Variants in IGSF6 observed in about 807,000 individuals in gnomAD.
IGSF6 encodes down-regulated by activation (immunoglobulin superfamily).
IGSF6 carries 23 observed loss-of-function variants against 24.7 expected under a neutral mutation model. That is an observed-to-expected ratio of 0.93 (90% CI 0.67 to 1.32). IGSF6 has a LOEUF of 1.32. Ranked by LOEUF, IGSF6 falls within the 40% of genes most tolerant of loss-of-function variation. The probability of loss-of-function intolerance (pLI) is 0.00; values close to 1 mark genes in which losing one functional copy is unlikely to be tolerated. For synonymous variants in IGSF6, 110 were observed against 113.7 expected, an observed-to-expected ratio of 0.97 and a Z score of 0.21; for missense variants, 295 against 293.6, an observed-to-expected ratio of 1.00 and a Z score of -0.04.
chr16:21,640,738 C>T lies in IGSF6; in HGVS notation c.*796G>A, dbSNP rs1321950639. The T allele has an allele frequency of 6.7e-6, 1 of 149,104 alleles. No individual in the cohort carries two copies. Among genetic ancestry groups the T allele is most frequent in the Non-Finnish European group, 1.5e-5 (1 of 67,390 alleles). 9.2% of individuals were successfully genotyped at this position (149,104 alleles called of 1,614,324 possible). On this transcript the variant is annotated 3_prime_UTR_variant, in exon 6 of 6. Transcript: ENST00000268389. ...GCCGAGATTGCACCACTGCACTCCA[C>T]CCTGGGCAACAGAACGAGACTCTGT...
At chr16:21,646,712 T>C in intron 2 of IGSF6, 1 of 290,576 alleles carries the variant, frequency 3.4e-6, no homozygotes. Flanking sequence ...TGGAGTGCAG[T>C]AGTGCGATCT....
chr16:21,650,407 C>CTG (rs1966537682), intron 1 of IGSF6, among the ~76,000 whole-genome samples: 1 of 150,222 alleles, frequency 6.7e-6, no homozygotes, highest in African/African-American at 2.5e-5. Context: ...ACTTGGGAGG[C>CTG]TGAAGCAGGA....
At chr16:21,646,399 A>G (rs986560034) in intron 2 of IGSF6, 2 of 152,102 alleles carry the variant, frequency 1.3e-5, no homozygotes, top group Non-Finnish European at 2.9e-5. Context: ...CATGTTGCAT[A>G]GTTTCTGTGG....
chr16:21,652,474 G>A (rs3091402), intron 1 of IGSF6, 58 bp downstream of exon 1: 84,925 of 1,318,072 alleles, frequency 0.064, 5,669 homozygotes, highest in East Asian at 0.33. Flanking sequence ...AAATGCATTA[G>A]GTGAAAAATA....
At position 21,647,189 on chromosome 16, in the gene IGSF6, C is replaced by T; in HGVS notation, c.371G>A (p.Ser124Asn). ...CTGTTTAGCTCTCGCTTCCGGCACACTGGGGAATGCTATTCCACAGATGTA... is the reference window on the plus strand; with the variant it reads ...CTGTTTAGCTCTCGCTTCCGGCACATTGGGGAATGCTATTCCACAGATGTA... ...AIYICGIAFP[S>N]VPEARAKQTG... The change falls in exon 2 of 6, where the codon AGT becomes AAT. Residue 124 changes from serine to asparagine, a missense_variant. Transcript: ENST00000268389. The T allele has an allele frequency of 6.2e-7, 1 of 1,614,198 alleles. No homozygotes were observed. Among genetic ancestry groups the T allele is most frequent in the South Asian group, 1.1e-5 (1 of 91,088 alleles).
intron 2 of IGSF6, 45 bp downstream of exon 2, chr16:21,647,088 G>T: frequency 6.2e-7 from 1 of 1,613,256 alleles, no homozygotes; most frequent in South Asian, 1.1e-5. Flanking sequence ...TTACAGGCCT[G>T]AACAAGATGC....
At position 21,641,387 on chromosome 16, in the gene IGSF6, C is replaced by T. The variant is rs1250159962; in HGVS notation, c.*147G>A. On this transcript the variant is annotated 3_prime_UTR_variant, in exon 6 of 6. Coordinates refer to ENST00000268389, the MANE Select transcript of IGSF6 (RefSeq NM_005849.4). ...TGGTAATGACTATTAGTTATAGTTT[C>T]CTTACATTCTGACATCCTTCTTTGT... is the stretch of plus-strand genomic sequence containing the variant. The T allele has an allele frequency of 4.2e-6, 2 of 471,448 alleles. No homozygotes were observed. The highest frequency in any genetic ancestry group is 7.6e-6 in the Non-Finnish European group (2 of 262,232). The allele number at this position is 471,448 out of a possible 1,614,324, so 29.2% of individuals were successfully genotyped here. A position where few individuals can be genotyped will look rare whatever the true frequency, so the allele number is the denominator to read the frequency against.
Position 21,639,906 on chromosome 16 carries a change from G to C in IGSF6, c.*1628C>G, listed in dbSNP as rs1364996108. 6.6e-6 allele frequency: 1 copy of C among 151,182 alleles called. No homozygotes were observed. Among genetic ancestry groups the C allele is most frequent in the African/African-American group, 2.4e-5 (1 of 41,362 alleles). 9.4% of individuals were successfully genotyped at this position (151,182 alleles called of 1,614,324 possible). On this transcript the variant is annotated 3_prime_UTR_variant, in exon 6 of 6. Coordinates refer to ENST00000268389, the MANE Select transcript of IGSF6 (RefSeq NM_005849.4). ...AAAGAATACACCTTAGGCAATACCA[G>C]TTTAAAAGAAACACTTTATTTTATT...
rs981817515 is a variant in IGSF6, at chr16:21,640,105, A to T, written c.*1429T>A. 3.3e-5 allele frequency: 5 copies of T among 151,398 alleles called. No homozygotes were observed. Among genetic ancestry groups the T allele is most frequent in the African/African-American group, 4.9e-5 (2 of 41,214 alleles). 9.4% of individuals were successfully genotyped at this position (151,398 alleles called of 1,614,324 possible). On this transcript the variant is annotated 3_prime_UTR_variant, in exon 6 of 6. Coordinates refer to ENST00000268389, the MANE Select transcript of IGSF6 (RefSeq NM_005849.4). Reference sequence around the variant, plus strand: ...GGTGTGTGCCACCAAACCCCGCTAAATTTTTTTGTATTTTTAGTAGAGACG... The same window carrying T: ...GGTGTGTGCCACCAAACCCCGCTAATTTTTTTTGTATTTTTAGTAGAGACG...
In IGSF6 at chr16:21,641,283, A is replaced by G. The variant is rs984627909; in HGVS notation, c.*251T>C. The G allele has an allele frequency of 6.7e-6, 2 of 298,634 alleles. No homozygotes were observed. Among genetic ancestry groups the G allele is most frequent in the African/African-American group, 4.4e-5 (2 of 45,634 alleles). 18.5% of individuals were successfully genotyped at this position (298,634 alleles called of 1,614,324 possible). A position where few individuals can be genotyped will look rare whatever the true frequency, so the allele number is the denominator to read the frequency against. Reference sequence around the variant, plus strand: ...ATGTTGAATGAAACAGACTCAGGATACAAGTTTAAAATAGAATTTTTTTTC... The same window carrying G: ...ATGTTGAATGAAACAGACTCAGGATGCAAGTTTAAAATAGAATTTTTTTTC... On this transcript the variant is annotated 3_prime_UTR_variant, in exon 6 of 6. Transcript: ENST00000268389.
In IGSF6 at chr16:21,647,173, T is replaced by C; in HGVS notation, c.387A>G (p.Arg129=). 1 of 1,614,136 alleles carries C rather than the reference T, an allele frequency of 6.2e-7. No individual in the cohort carries two copies. The change falls in exon 2 of 6, where the codon AGA becomes AGG. Residue 129 remains arginine, a synonymous_variant. Coordinates refer to ENST00000268389, the MANE Select transcript of IGSF6 (RefSeq NM_005849.4). The part of the protein sequence containing the change: ...GIAFPSVPEA[R]AKQTGGGTTL... ...TGGTCCCTCCTCCTGTCTGTTTAGC[T>C]CTCGCTTCCGGCACACTGGGGAATG...
rs943644897 is a variant in IGSF6, at chr16:21,652,536, A to C, written c.63T>G (p.Cys21Trp). 1.9e-6 allele frequency: 3 copies of C among 1,610,532 alleles called. No homozygotes were observed. The African/African-American group carries it at 4.0e-5, about 22-fold the overall frequency. The change falls in exon 1 of 6, where the codon TGT becomes TGG. Residue 21 changes from cysteine (C) to tryptophan (W), a missense_variant. Transcript: ENST00000268389. Reference sequence around the variant, plus strand: ...GGAGAAGAAAAAGAACCTTACCGACACAAAATAGAATGAGATTGGTTTGCA... The same window carrying C: ...GGAGAAGAAAAAGAACCTTACCGACCCAAAATAGAATGAGATTGGTTTGCA... ...RHLQTNLILFCVGAVGACTLS... is the reference protein window; with the variant it reads ...RHLQTNLILFWVGAVGACTLS...
intron 2 of IGSF6, among the ~76,000 whole-genome samples, chr16:21,646,158 C>CTTT (rs11415948): frequency 6.6e-6 from 1 of 150,512 alleles, no homozygotes; most frequent in Non-Finnish European, 1.5e-5. Context: ...GAAATTCCCC[C>CTTT]TTTTTTTTTC....
chr16:21,643,291 G>A, intron 4 of IGSF6, 137 bp from the exon 5 acceptor site: 1 of 674,750 alleles, frequency 1.5e-6, no homozygotes, highest in East Asian at 2.6e-5. Flanking sequence ...TGTGCCTACA[G>A]TTAACTCTTT....
intron 3 of IGSF6, among the ~76,000 whole-genome samples, chr16:21,643,974 G>A (rs1012361412): frequency 3.3e-5 from 5 of 151,858 alleles, no homozygotes; most frequent in Non-Finnish European, 5.9e-5. Context: ...GTAATATCTC[G>A]CCCTCCACCT....
At chr16:21,647,603 T>C (rs2141619808) in intron 1 of IGSF6, 111 bp from the exon 2 acceptor site, 1 of 1,340,150 alleles carries the variant, frequency 7.5e-7, no homozygotes, top group African/African-American at 1.5e-5. Context: ...CTTACCTTAA[T>C]CCCAATATAA....
chr16:21,644,722 CA>C (rs1282392740), intron 2 of IGSF6, among the ~76,000 whole-genome samples: 2 of 152,160 alleles, frequency 1.3e-5, no homozygotes, highest in Non-Finnish European at 2.9e-5. Flanking sequence ...ACAGTTTGTT[CA>C]AGGGCATCTA....
rs1055740 is a variant in IGSF6, at chr16:21,641,399, A to G, written c.*135T>C. ...TTAGTTATAGTTTCCTTACATTCTG[A>G]CATCCTTCTTTGTAGCCAGTTGTCT... On this transcript the variant is annotated 3_prime_UTR_variant, in exon 6 of 6. Transcript: ENST00000268389. The G allele has an allele frequency of 0.85, 400,223 of 468,258 alleles. 171,902 individuals carry two copies. The highest frequency in any genetic ancestry group is 0.97 in the African/African-American group (48,066 of 49,396). The allele number at this position is 468,258 out of a possible 1,614,324, so 29.0% of individuals were successfully genotyped here.
rs779616289 is a variant in IGSF6 at position 21,644,400 on chromosome 16, A to T, written c.428-4T>A. On this transcript the variant is annotated splice_region_variant and splice_polypyrimidine_tract_variant and intron_variant, in intron 2 of 5. Transcript: ENST00000268389. ...TCCTTGCTGAGCAGCTTAATTTCTT[A>T]ATGACAAAAACAGAAAGAAGCACAT... 1 of 1,599,046 alleles carries T rather than the reference A, an allele frequency of 6.3e-7. No homozygotes were observed. Among genetic ancestry groups the T allele is most frequent in the Admixed American group, 1.7e-5 (1 of 59,962 alleles).
Sources: allele counts gnomAD v4.1 joint callset (sites outside exome capture counted in the v4.1 genomes callset), GRCh38; gene constraint gnomAD v4.1.1; transcripts MANE v1.5; gene names NCBI Gene and HGNC (gene_info 2026-07-23, HGNC 2026-07-21).